Variants in ZKSCAN2 observed in about 807,000 individuals in gnomAD.
The protein encoded by ZKSCAN2 is zinc finger protein with KRAB and SCAN domains 2.
A neutral mutation model predicts 90.5 loss-of-function variants in ZKSCAN2; 38 were observed. The observed-to-expected ratio is 0.42, with a 90% CI of 0.32 to 0.55. The LOEUF (loss-of-function observed/expected upper bound fraction) is 0.55, where lower values mean the gene tolerates loss of function less well. ZKSCAN2 is among the 20% of genes least tolerant of loss of function. The probability of loss-of-function intolerance (pLI) is 0.11; values close to 1 mark genes in which losing one functional copy is unlikely to be tolerated. For synonymous variants in ZKSCAN2, 429 were observed against 421.6 expected (o/e 1.02, Z -0.22); for missense variants, 1,167 against 1,202.6 (o/e 0.97, Z 0.44).
At position 25,246,714 on chromosome 16, in the gene ZKSCAN2, A is replaced by G. The variant is rs11649280; in HGVS notation, c.1482T>C (p.Asn494=). 0.24 allele frequency: 380,733 copies of G among 1,613,622 alleles called. 48,265 individuals carry two copies. The highest frequency in any genetic ancestry group is 0.45 in the African/African-American group (33,724 of 74,922). Residue 494 remains asparagine, a synonymous_variant, in exon 5 of 7, where the codon AAT becomes AAC. Transcript: ENST00000328086. The part of the protein sequence containing the change: ...EIHGAPVLFQ[N]LSGVHWGYEE... ...ACAAAGCACAATTCTTACCACTGAG[A>G]TTCTGAAACAAGACAGGGGCACCAT...
At chr16:25,247,957 C>G (rs1962960460) in intron 4 of ZKSCAN2, among the ~76,000 whole-genome samples, 1 of 152,116 alleles carries the variant, frequency 6.6e-6, no homozygotes, top group Admixed American at 6.5e-5. Context: ...ACATGTATAG[C>G]TAAATAATCT....
rs776768102 is a variant in ZKSCAN2 at position 25,240,282 on chromosome 16, T to C, written c.2438A>G (p.Asn813Ser). 6.2e-7 allele frequency: 1 copy of C among 1,614,116 alleles called. No homozygotes were observed. Among genetic ancestry groups the C allele is most frequent in the Non-Finnish European group, 8.5e-7 (1 of 1,180,014 alleles). ...FKCLDCGKSF[N>S]DSSNFGAHQR... ...GTGGGCACCAAAATTTGAGGAGTCATTAAAGCTTTTTCCACAGTCAAGACA... is the reference window on the plus strand; with the variant it reads ...GTGGGCACCAAAATTTGAGGAGTCACTAAAGCTTTTTCCACAGTCAAGACA... The change falls in exon 7 of 7, where the codon AAT becomes AGT. Residue 813 changes from asparagine (N) to serine (S), a missense_variant. Asn to Ser is a conservative substitution (Grantham distance 46). Coordinates refer to ENST00000328086, the MANE Select transcript of ZKSCAN2 (RefSeq NM_001012981.5).
rs779774087 is a variant in ZKSCAN2 at position 25,255,286 on chromosome 16, C to T, written c.506G>A (p.Arg169Gln). ...QVETQPRAVS[R>Q]EEPGSLHSGH... ...TGAGTGGAGGCTTCCAGGTTCCTCC[C>T]GAGACACCGCCCTGGGTTGGGTCTC... The change falls in exon 2 of 7, where the codon CGG (arginine) becomes CAG (glutamine). Residue 169 changes from arginine (R) to glutamine (Q), a missense_variant. By Grantham distance (43) the Arg-to-Gln change is conservative. Coordinates refer to ENST00000328086, the MANE Select transcript of ZKSCAN2 (RefSeq NM_001012981.5). The T allele has an allele frequency of 2.2e-5, 35 of 1,613,748 alleles. No homozygotes were observed. The highest frequency in any genetic ancestry group is 5.5e-5 in the South Asian group (5 of 91,016).
chr16:25,237,691 C>G lies in ZKSCAN2; in HGVS notation c.*2125G>C, dbSNP rs115657636. 1.3e-5 allele frequency: 2 copies of G among 152,210 alleles called. No individual in the cohort carries two copies. The highest frequency in any genetic ancestry group is 3.8e-4 in the East Asian group (2 of 5,200). The allele number at this position is 152,210 out of a possible 1,614,324, so 9.4% of individuals were successfully genotyped here. On this transcript the variant is annotated 3_prime_UTR_variant, in exon 7 of 7. Transcript: ENST00000328086. ...GCACCATGCCCCTTCCTTCCTTTTT[C>G]TATCATTCACTGTGGCTAGAACATG...
Position 25,252,030 on chromosome 16 carries a change from T to G in ZKSCAN2, c.684A>C (p.Pro228=). 1 of 1,614,106 alleles carries G rather than the reference T, an allele frequency of 6.2e-7. No homozygotes were observed. The highest frequency in any genetic ancestry group is 8.5e-7 in the Non-Finnish European group (1 of 1,179,986). The change falls in exon 4 of 7, where the codon CCA becomes CCC. Residue 228 remains proline (P), a synonymous_variant. Coordinates refer to ENST00000328086, the MANE Select transcript of ZKSCAN2 (RefSeq NM_001012981.5). ...TTRLPAGSQE[P]VKDVHVARGF... ...CTCTGGCCACGTGGACATCTTTCAC[T>G]GGTTCCTGTAATGACACTAACACCA...
Position 25,247,046 on chromosome 16 carries a change from A to G in ZKSCAN2, c.1150T>C (p.Cys384Arg), listed in dbSNP as rs954052974. 6.2e-7 allele frequency: 1 copy of G among 1,614,204 alleles called. No homozygotes were observed. Among genetic ancestry groups the G allele is most frequent in the Middle Eastern group, 1.6e-4 (1 of 6,062 alleles). ...TGTTCTGGGGTTCTAAGGAAGCCAC[A>G]TTCTCGCAACCATTCAGCCACAGCA... ...YGAVAEWLRE[C>R]GFLRTPEQCR... Residue 384 changes from cysteine (C) to arginine (R), a missense_variant, in exon 5 of 7, where the codon TGT becomes CGT. Transcript: ENST00000328086.
chr16:25,257,693 G>C lies in ZKSCAN2; in HGVS notation c.-566C>G, dbSNP rs12927671. 67,720 of 173,102 alleles carry C rather than the reference G, an allele frequency of 0.39. 13,812 individuals are homozygous for C. Among genetic ancestry groups the C allele is most frequent in the African/African-American group, 0.49 (20,668 of 41,832 alleles). 10.7% of individuals were successfully genotyped at this position (173,102 alleles called of 1,614,324 possible). ...GGCCCACGACGGCCCCGACCGTCCT[G>C]AGGAAACCGCTGCCGCCGAGGAAAG... On this transcript the variant is annotated 5_prime_UTR_variant, in exon 1 of 7. Transcript: ENST00000328086.
intron 1 of ZKSCAN2, 56 bp downstream of exon 1, chr16:25,256,673 A>G: frequency 6.5e-6 from 10 of 1,548,932 alleles, no homozygotes; most frequent in South Asian, 2.5e-5. Context: ...CCCTGCCCAC[A>G]TGCCTTTCCC....
rs1328523746 is a variant in ZKSCAN2, at chr16:25,256,855, C to T, written c.273G>A (p.Glu91=). 6.2e-7 allele frequency: 1 copy of T among 1,614,238 alleles called. No homozygotes were observed. The highest frequency in any genetic ancestry group is 2.2e-5 in the East Asian group (1 of 44,888). The change falls in exon 1 of 7, where the codon GAG becomes GAA. Residue 91 remains glutamate (E), a synonymous_variant. Coordinates refer to ENST00000328086, the MANE Select transcript of ZKSCAN2 (RefSeq NM_001012981.5). The part of the protein sequence containing the change: ...KEQILELLVI[E]QFLTILPEKI... ...TCTCGGGTAAAATGGTGAGAAACTG[C>T]TCAATCACCAGCAGCTCAAGTATTT...
At position 25,257,225 on chromosome 16, in the gene ZKSCAN2, G is replaced by A. The variant is rs1963119285; in HGVS notation, c.-98C>T. ...TTAATGTTCCTGGGAGTGTGATAAGGTACGGAGGTAAAAACGGCCAGGTCG... is the reference window on the plus strand; with the variant it reads ...TTAATGTTCCTGGGAGTGTGATAAGATACGGAGGTAAAAACGGCCAGGTCG... On this transcript the variant is annotated 5_prime_UTR_variant, in exon 1 of 7. Transcript: ENST00000328086. 2.0e-6 allele frequency: 3 copies of A among 1,484,584 alleles called. No individual in the cohort carries two copies. The Admixed American group carries it at 6.9e-5, about 34-fold the overall frequency. The allele number at this position is 1,484,584 out of a possible 1,614,324, so 92.0% of individuals were successfully genotyped here.
chr16:25,240,595 T>C lies in ZKSCAN2; in HGVS notation c.2125A>G (p.Ile709Val), dbSNP rs371532046. ...AGATTTTCCCATTGTCTTCCTGAGA[T>C]GCATTCCCTTTTGCGATATTTGCTG... ...DPSKYRKREC[I>V]SGRQWENLQG... Residue 709 changes from isoleucine (I) to valine (V), a missense_variant, in exon 7 of 7, where the codon ATC becomes GTC. Transcript: ENST00000328086. 9.4e-5 allele frequency: 152 copies of C among 1,614,122 alleles called. No individual in the cohort carries two copies. The highest frequency in any genetic ancestry group is 1.2e-4 in the Non-Finnish European group (144 of 1,180,050).
At chr16:25,249,292 G>A (rs188096038) in intron 4 of ZKSCAN2, among the ~76,000 whole-genome samples, 1 of 152,096 alleles carries the variant, frequency 6.6e-6, no homozygotes. Flanking sequence ...AAAATTCCTA[G>A]AAGAGTAGAT....
intron 4 of ZKSCAN2, among the ~76,000 whole-genome samples, chr16:25,249,198 G>A (rs1245242241): frequency 6.6e-6 from 1 of 152,026 alleles, no homozygotes; most frequent in Non-Finnish European, 1.5e-5. Flanking sequence ...TTAGATGGGA[G>A]GAATAAACTT....
rs1963040670 is a variant in ZKSCAN2, at chr16:25,252,808, A to C, written c.678+138T>G. 4.4e-6 allele frequency: 3 copies of C among 688,074 alleles called. 1 individual carries two copies. The Admixed American group carries it at 6.1e-5, about 14-fold the overall frequency. 42.6% of individuals were successfully genotyped at this position (688,074 alleles called of 1,614,324 possible). On this transcript the variant is annotated intron_variant, in intron 3 of 6. Transcript: ENST00000328086. ...CATGCACCTGTGGTCCCAGCTACTC[A>C]GGAGGCTGAGGCAGGAGAATCGCTT...
rs1962790992 is a variant in ZKSCAN2 at position 25,237,676 on chromosome 16, C to T, written c.*2140G>A. On this transcript the variant is annotated 3_prime_UTR_variant, in exon 7 of 7. Coordinates refer to ENST00000328086, the MANE Select transcript of ZKSCAN2 (RefSeq NM_001012981.5). Reference sequence around the variant, plus strand: ...GTTCCTTGAGCCCAGGCACCATGCCCCTTCCTTCCTTTTTCTATCATTCAC... The same window carrying T: ...GTTCCTTGAGCCCAGGCACCATGCCTCTTCCTTCCTTTTTCTATCATTCAC... 1 of 152,132 alleles carries T rather than the reference C, an allele frequency of 6.6e-6. No homozygotes were observed. The highest frequency in any genetic ancestry group is 2.1e-4 in the South Asian group (1 of 4,828). 9.4% of individuals were successfully genotyped at this position (152,132 alleles called of 1,614,324 possible).
rs561535669 is a variant in ZKSCAN2, at chr16:25,251,826, C to T, written c.805+83G>A. On this transcript the variant is annotated intron_variant, in intron 4 of 6. Coordinates refer to ENST00000328086, the MANE Select transcript of ZKSCAN2 (RefSeq NM_001012981.5). ...AGAGATCCTTTAAGTGTTAACATTT[C>T]TATCTGCCTATCTTCTAATCAGTAG... 365 of 1,505,162 alleles carry T rather than the reference C, an allele frequency of 2.4e-4. 2 individuals are homozygous for T. The South Asian group carries it at 3.3e-3, about 13-fold the overall frequency. 93.2% of individuals were successfully genotyped at this position (1,505,162 alleles called of 1,614,324 possible).
chr16:25,239,881 G>A lies in ZKSCAN2; in HGVS notation c.2839C>T (p.Pro947Ser), dbSNP rs7197424. The A allele has an allele frequency of 2.3e-3, 3,649 of 1,613,984 alleles. 81 individuals are homozygous for A. In the African/African-American group the frequency reaches 0.043, roughly 19 times the overall value. Residue 947 changes from proline to serine, a missense_variant, in exon 7 of 7, where the codon CCA (proline) becomes TCA (serine). Pro to Ser is a moderately conservative substitution (Grantham distance 74, BLOSUM62 -1). Coordinates refer to ENST00000328086, the MANE Select transcript of ZKSCAN2 (RefSeq NM_001012981.5). ...GGGTTCTCAGGGCAATACAGAGATG[G>A]AGGGTGTGGCAGAGGCTTTTCTCTC... ...HVREKPLPHP[P>S]SLYCPENPHK...
chr16:25,254,735 G>A (rs993268798), intron 2 of ZKSCAN2, among the ~76,000 whole-genome samples: 3 of 151,470 alleles, frequency 2.0e-5, no homozygotes, highest in Non-Finnish European at 4.4e-5. Flanking sequence ...GCCATGGAGA[G>A]TTTACCACCA....
At chr16:25,246,066 T>G (rs548648244) in intron 5 of ZKSCAN2, among the ~76,000 whole-genome samples, 1 of 152,338 alleles carries the variant, frequency 6.6e-6, no homozygotes, top group East Asian at 1.9e-4. Flanking sequence ...TTTTGCATGG[T>G]GTATCTGTCT....
Sources: allele counts gnomAD v4.1 joint callset (sites outside exome capture counted in the v4.1 genomes callset), GRCh38; gene constraint gnomAD v4.1.1; transcripts MANE v1.5; gene names NCBI Gene and HGNC (gene_info 2026-07-23, HGNC 2026-07-21).